Variants in STRBP observed in about 807,000 individuals in gnomAD.
The protein encoded by STRBP is spermatid perinuclear RNA binding protein.
In STRBP, 13 loss-of-function variants were observed where a neutral mutation model predicts 80.1. The observed-to-expected ratio is 0.16, with a 90% confidence interval of 0.11 to 0.26. The LOEUF is 0.26. STRBP is among the 10% of genes least tolerant of loss of function. STRBP has a pLI of 1.00. For synonymous variants in STRBP, 284 were observed against 291.2 expected (o/e 0.98, Z 0.25); for missense variants, 485 against 815.2 (o/e 0.59, Z 4.93).
chr9:123,196,575 A>C (rs2039097121), intron 2 of STRBP, among the ~76,000 whole-genome samples: 1 of 152,142 alleles, frequency 6.6e-6, no homozygotes, highest in Admixed American at 6.5e-5. Flanking sequence ...ATGGACAAAA[A>C]ATTTGAATAG....
At chr9:123,224,687 T>A (rs1052434322) in intron 2 of STRBP, among the ~76,000 whole-genome samples, 4 of 152,298 alleles carry the variant, frequency 2.6e-5, no homozygotes, top group Middle Eastern at 3.4e-3. Flanking sequence ...AGTACTATAC[T>A]GGGGTACAAA....
At chr9:123,151,617 T>TA (rs1180728917) in intron 11 of STRBP, among the ~76,000 whole-genome samples, 1 of 152,022 alleles carries the variant, frequency 6.6e-6, no homozygotes, top group Non-Finnish European at 1.5e-5. Flanking sequence ...TAAAAGAAAG[T>TA]AAAAAATAGC....
chr9:123,171,082 A>T (rs533373746), intron 5 of STRBP, among the ~76,000 whole-genome samples: 1 of 152,320 alleles, frequency 6.6e-6, no homozygotes, highest in East Asian at 1.9e-4. Context: ...CCAGAATATA[A>T]AGAAACTGCA....
At chr9:123,111,726 C>T (rs185428648) in intron 3 of STRBP, 1 of 397,554 alleles carries the variant, frequency 2.5e-6, no homozygotes, top group South Asian at 1.8e-5. Flanking sequence ...TGTGCCGGCT[C>T]CAGTTTGTCA....
intron 5 of STRBP, among the ~76,000 whole-genome samples, chr9:123,170,737 C>G (rs1216934165): frequency 6.6e-6 from 1 of 151,994 alleles, no homozygotes; most frequent in African/African-American, 2.4e-5. Context: ...TAGGTAGGGG[C>G]CTCCCACAAA....
downstream of STRBP, among the ~76,000 whole-genome samples, chr9:123,118,986 T>C (rs1291525041): frequency 3.3e-5 from 5 of 152,258 alleles, no homozygotes; most frequent in East Asian, 9.6e-4. Flanking sequence ...AGACAGTAAA[T>C]GGATAGACAA....
At chr9:123,190,180 T>C (rs2038870132) in intron 2 of STRBP, among the ~76,000 whole-genome samples, 1 of 151,526 alleles carries the variant, frequency 6.6e-6, no homozygotes, top group African/African-American at 2.4e-5. Context: ...CTCGGGAGAC[T>C]GAGGCAGAAG....
intron 16 of STRBP, among the ~76,000 whole-genome samples, chr9:123,134,695 G>A (rs1425080678): frequency 1.3e-5 from 2 of 152,116 alleles, no homozygotes; most frequent in Non-Finnish European, 2.9e-5. Context: ...CACAAATCTA[G>A]CTCATGTCTA....
chr9:123,147,247 T>C (rs1358100768), intron 12 of STRBP, among the ~76,000 whole-genome samples, 193 bp from the exon 13 acceptor site: 3 of 152,230 alleles, frequency 2.0e-5, no homozygotes. Context: ...GTATGCATTA[T>C]TTAACTACAC....
At position 123,115,549 on chromosome 9, in the gene STRBP, G is replaced by T; in HGVS notation, c.*84+380C>A. 2.8e-6 allele frequency: 1 copy of T among 361,274 alleles called. No individual in the cohort carries two copies. 22.4% of individuals were successfully genotyped at this position (361,274 alleles called of 1,614,324 possible). On this transcript the variant is annotated intron_variant and NMD_transcript_variant, in intron 3 of 3. Transcript: ENST00000471564. This position sits in a 1 kb window ranked among gnomAD's most constrained non-coding sequence, Gnocchi z 5.0. ...CTTCTACTCAGTTGTCTAAGCTGCA[G>T]ATTCTGACATTTTCTCCAACTGCTC... is the stretch of plus-strand genomic sequence containing the variant.
At chr9:123,179,487 T>G (rs766226993) in intron 3 of STRBP, among the ~76,000 whole-genome samples, 1 of 152,120 alleles carries the variant, frequency 6.6e-6, no homozygotes, top group Non-Finnish European at 1.5e-5. Flanking sequence ...ATAAATAATG[T>G]TATCCTGGCC....
intron 1 of STRBP, among the ~76,000 whole-genome samples, chr9:123,268,202 G>A (rs947366422): frequency 6.6e-6 from 1 of 151,810 alleles, no homozygotes; most frequent in Non-Finnish European, 1.5e-5. Flanking sequence ...GCCCTTGCCC[G>A]AAGCGGCCGG....
At chr9:123,197,067 G>T (rs1486469678) in intron 2 of STRBP, among the ~76,000 whole-genome samples, 1 of 152,172 alleles carries the variant, frequency 6.6e-6, no homozygotes, top group Admixed American at 6.5e-5. Flanking sequence ...AAAAAAGAAT[G>T]AGATCTTGTT....
At position 123,139,610 on chromosome 9, in the gene STRBP, A is replaced by G; in HGVS notation, c.1416T>C (p.Asn472=). The change falls in exon 14 of 19, where the codon AAT becomes AAC. Residue 472 remains asparagine, a synonymous_variant. Transcript: ENST00000348403. The part of the protein sequence containing the change: ...ECMSSDEKSD[N]ESKNETVSSN... ...AAGACACTGTTTCATTTTTACTTTC[A>G]TTATCTGATTTTTCATCGGAACTCA... is the stretch of plus-strand genomic sequence containing the variant. 6.2e-7 allele frequency: 1 copy of G among 1,612,902 alleles called. No individual in the cohort carries two copies. Among genetic ancestry groups the G allele is most frequent in the South Asian group, 1.1e-5 (1 of 90,914 alleles).
intron 1 of STRBP, among the ~76,000 whole-genome samples, chr9:123,243,069 A>T (rs776178818): frequency 1.1e-4 from 17 of 152,200 alleles, no homozygotes; most frequent in Non-Finnish European, 1.6e-4. Context: ...AAGACTTATT[A>T]TATAGCCACA....
chr9:123,260,279 A>G (rs952345206), intron 1 of STRBP, among the ~76,000 whole-genome samples: 5 of 152,208 alleles, frequency 3.3e-5, no homozygotes, highest in African/African-American at 1.2e-4. Context: ...TCACTAGGCT[A>G]GTGGGCAATA....
At chr9:123,205,184 T>C (rs2039471424) in intron 2 of STRBP, among the ~76,000 whole-genome samples, 1 of 152,100 alleles carries the variant, frequency 6.6e-6, no homozygotes, top group Non-Finnish European at 1.5e-5. Context: ...GAGAATTGTT[T>C]GAACCTAGGA....
intron 2 of STRBP, among the ~76,000 whole-genome samples, chr9:123,204,231 T>A (rs1000957946): frequency 2.6e-5 from 4 of 152,218 alleles, no homozygotes; most frequent in Admixed American, 6.5e-5. Context: ...ACAGATAAAT[T>A]TTTTAATAAT....
intron 1 of STRBP, among the ~76,000 whole-genome samples, chr9:123,242,476 T>C (rs1264085338): frequency 6.6e-6 from 1 of 152,164 alleles, no homozygotes; most frequent in Admixed American, 6.5e-5. Flanking sequence ...CTGGCCAACA[T>C]GGCAAAACCC....
Sources: gnomAD v4.1 joint callset for allele counts (sites outside exome capture counted in the v4.1 genomes callset) on GRCh38, gnomAD v4.1.1 for gene constraint, Gnocchi (gnomAD v3.1) non-coding constraint, MANE v1.5 for transcripts, NCBI Gene and HGNC (gene_info 2026-07-23, HGNC 2026-07-21) for gene names.